The following COL25A1 variants were observed in gnomAD, a reference collection of about 807,000 sequenced individuals.
The protein encoded by COL25A1 is collagen type XXV alpha 1 chain, also known as collagen alpha-1(XXV) chain.
COL25A1 carries 103 observed loss-of-function variants against 128.4 expected under a neutral mutation model. The observed-to-expected ratio is 0.80, with a 90% CI of 0.68 to 0.94. The LOEUF (loss-of-function observed/expected upper bound fraction) is 0.94. Among genes scored for constraint, COL25A1 ranks in the 40% least tolerant of loss-of-function variants. COL25A1 has a pLI of 0.00. For synonymous variants in COL25A1, 279 were observed against 277.2 expected, an observed-to-expected ratio of 1.01 and a Z score of -0.06; for missense variants, 745 against 840.0, an observed-to-expected ratio of 0.89 and a Z score of 1.40.
In COL25A1 at chr4:109,108,727, A is replaced by T. The variant is rs535752098; in HGVS notation, c.368-58548T>A. 2.3e-4 allele frequency among the ~76,000 whole-genome samples: 35 copies of T among 152,092 alleles called. No homozygotes were observed. In the East Asian group the frequency reaches 3.5e-3, roughly 15 times the overall value. On this transcript the variant is annotated intron_variant, in intron 3 of 37. Transcript: ENST00000399132. ...CAATCCTTCATTAAGGTGATTTTTA[A>T]AAAAAATAAATTAAAATGGTACTCA...
intron 32 of COL25A1, among the ~76,000 whole-genome samples, chr4:108,828,899 A>C (rs1230661485): frequency 2.0e-5 from 3 of 152,200 alleles, no homozygotes; most frequent in Non-Finnish European, 4.4e-5. Context: ...CGTGTGAGCA[A>C]ATTTCAGGTC....
rs764161674 is a variant in COL25A1, at chr4:109,050,178, G to A, written c.369C>T (p.Gly123=). ...EAPSECNCPA[G]PPGKRGKRGR... is the part of the protein sequence containing the mutation. ...CTCTCTTACCTCGTTTCCCTGGAGG[G>A]CCTGAAATACAAAGGATAATTTTTT... The change falls in exon 4 of 38, where the codon GGC becomes GGT. Residue 123 remains glycine (G), a splice_region_variant and synonymous_variant. Transcript: ENST00000399132. The A allele has an allele frequency of 3.7e-6, 6 of 1,605,546 alleles. No individual in the cohort carries two copies. The highest frequency in any genetic ancestry group is 4.3e-6 in the Non-Finnish European group (5 of 1,174,760).
At chr4:108,901,773 T>C (rs549214856) in intron 13 of COL25A1, among the ~76,000 whole-genome samples, 4 of 152,114 alleles carry the variant, frequency 2.6e-5, no homozygotes, top group Non-Finnish European at 4.4e-5. Context: ...TATTGAATGA[T>C]AGGCTTTTGG....
At chr4:109,133,318 C>T (rs1431189274) in intron 3 of COL25A1, among the ~76,000 whole-genome samples, 1 of 151,918 alleles carries the variant, frequency 6.6e-6, no homozygotes, top group Non-Finnish European at 1.5e-5. Flanking sequence ...TTTATGAAAA[C>T]ACTAGACCTT....
chr4:109,202,613 T>C (rs1048468984), intron 3 of COL25A1, among the ~76,000 whole-genome samples: 4 of 151,416 alleles, frequency 2.6e-5, no homozygotes. Flanking sequence ...AACCAAAAAC[T>C]TGGACTTCAT....
intron 3 of COL25A1, among the ~76,000 whole-genome samples, chr4:109,145,460 T>G (rs1197081038): frequency 1.3e-5 from 2 of 152,238 alleles, no homozygotes; most frequent in African/African-American, 4.8e-5. Flanking sequence ...AAAATTGCCT[T>G]TCATTGAGCA....
chr4:109,004,478 C>T (rs1031614183), intron 6 of COL25A1, among the ~76,000 whole-genome samples: 12 of 151,424 alleles, frequency 7.9e-5, no homozygotes, highest in African/African-American at 1.5e-4. Context: ...GATGTGGGAA[C>T]GACAGAGTTT....
At chr4:109,232,641 A>G (rs766406021) in intron 3 of COL25A1, among the ~76,000 whole-genome samples, 1 of 152,204 alleles carries the variant, frequency 6.6e-6, no homozygotes, top group Non-Finnish European at 1.5e-5. Context: ...AATTACATCC[A>G]TAGAATTTTT....
At chr4:109,068,752 T>C (rs1762671997) in intron 3 of COL25A1, among the ~76,000 whole-genome samples, 1 of 152,124 alleles carries the variant, frequency 6.6e-6, no homozygotes, top group South Asian at 2.1e-4. Context: ...AAATATGACC[T>C]CACGAAGTAT....
At chr4:108,898,713 T>C (rs948545717) in intron 15 of COL25A1, among the ~76,000 whole-genome samples, 2 of 152,140 alleles carry the variant, frequency 1.3e-5, no homozygotes, top group Non-Finnish European at 2.9e-5. Flanking sequence ...TGGAGAAGCA[T>C]TAGAATGGCA....
intron 8 of COL25A1, among the ~76,000 whole-genome samples, chr4:108,953,383 C>T (rs1373665252): frequency 6.6e-6 from 1 of 152,148 alleles, no homozygotes; most frequent in Non-Finnish European, 1.5e-5. Context: ...TTGAGGACAT[C>T]CCTGAACTCT....
intron 22 of COL25A1, among the ~76,000 whole-genome samples, chr4:108,861,189 A>G (rs1038408634): frequency 1.3e-5 from 2 of 152,206 alleles, no homozygotes; most frequent in African/African-American, 4.8e-5. Context: ...CAGGTAATAG[A>G]GTATCTTGAA....
In COL25A1 at chr4:108,990,635, A is replaced by G. The variant is rs532206014; in HGVS notation, c.439-16076T>C. Among the ~76,000 whole-genome samples the G allele has an allele frequency of 3.0e-4, 45 of 152,258 alleles. 1 individual carries two copies. Among genetic ancestry groups the G allele is most frequent in the African/African-American group, 9.6e-4 (40 of 41,552 alleles). ...GTAAAGTACCACCTCTAAGGGCAAT[A>G]TCAAGTCATTATGGCTCTATCTCAG... On this transcript the variant is annotated intron_variant, in intron 6 of 37. Transcript: ENST00000399132.
intron 22 of COL25A1, 123 bp downstream of exon 22, chr4:108,862,378 T>C: frequency 4.0e-6 from 3 of 754,456 alleles, no homozygotes; most frequent in Middle Eastern, 2.4e-4. Context: ...GCAATAAGTA[T>C]TGCAGTTCCA....
At chr4:108,901,309 T>C in intron 13 of COL25A1, 137 bp from the exon 14 acceptor site, 1 of 663,056 alleles carries the variant, frequency 1.5e-6, no homozygotes, top group South Asian at 2.0e-5. Flanking sequence ...AAATTCAAGT[T>C]AGCTTCCATG....
At chr4:109,301,561 A>G (rs1725529262) in intron 2 of COL25A1, among the ~76,000 whole-genome samples, 162 bp downstream of exon 2, 1 of 152,220 alleles carries the variant, frequency 6.6e-6, no homozygotes, top group Non-Finnish European at 1.5e-5. Context: ...ACATATAAAT[A>G]TATGCTACAG....
At chr4:108,937,886 T>TA in intron 10 of COL25A1, 43 bp from the exon 11 acceptor site, 1 of 1,517,024 alleles carries the variant, frequency 6.6e-7, no homozygotes, top group Non-Finnish European at 9.0e-7. Context: ...CTGTAAGTAT[T>TA]TAAAAAAAAA....
chr4:109,143,883 A>T (rs1442774811), intron 3 of COL25A1, among the ~76,000 whole-genome samples: 1 of 152,112 alleles, frequency 6.6e-6, no homozygotes, highest in Non-Finnish European at 1.5e-5. Context: ...CACCTTCTGA[A>T]ACCTACTTCT....
chr4:108,824,148 G>A (rs754794296), intron 35 of COL25A1, 26 bp downstream of exon 35: 1 of 1,613,980 alleles, frequency 6.2e-7, no homozygotes, highest in Non-Finnish European at 8.5e-7. Flanking sequence ...AATCAAACAA[G>A]GTACATGCTG....
Sources: gnomAD v4.1 joint callset for allele counts (sites outside exome capture counted in the v4.1 genomes callset) on GRCh38, gnomAD v4.1.1 for gene constraint, MANE v1.5 for transcripts, NCBI Gene and HGNC (gene_info 2026-07-23, HGNC 2026-07-21) for gene names.